Variants in DLG2 observed in about 807,000 individuals in gnomAD.
The protein encoded by DLG2 is disks large homolog 2.
DLG2 carries 45 observed loss-of-function variants against 132.5 expected under a neutral mutation model. That is an observed-to-expected ratio of 0.34 (90% CI 0.27 to 0.44). The LOEUF (loss-of-function observed/expected upper bound fraction) is 0.44, where lower values mean the gene tolerates loss of function less well. DLG2 is among the 20% of genes least tolerant of loss of function. The probability of loss-of-function intolerance (pLI) is 1.00; values close to 1 mark genes in which losing one functional copy is unlikely to be tolerated. For synonymous variants in DLG2, 424 were observed against 419.6 expected (o/e 1.01, Z -0.13); for missense variants, 1,045 against 1,196.9 (o/e 0.87, Z 1.87).
chr11:83,757,309 G>C (rs942093469), intron 18 of DLG2, among the ~76,000 whole-genome samples: 5 of 152,192 alleles, frequency 3.3e-5, no homozygotes, highest in Non-Finnish European at 5.9e-5. Context: ...CTGAGTAACA[G>C]TGAATTTATA....
intron 6 of DLG2, among the ~76,000 whole-genome samples, chr11:84,667,758 C>A (rs928743711): frequency 2.0e-5 from 3 of 151,916 alleles, no homozygotes; most frequent in Non-Finnish European, 4.4e-5. Flanking sequence ...CTCATTCCCC[C>A]AAAGTGCTGG....
intron 6 of DLG2, among the ~76,000 whole-genome samples, chr11:84,563,924 T>C (rs1012489304): frequency 6.6e-6 from 1 of 152,202 alleles, no homozygotes; most frequent in Non-Finnish European, 1.5e-5. Flanking sequence ...AAGGTCATGT[T>C]CATCGTGAAA....
chr11:84,448,006 T>G (rs1390685287), intron 7 of DLG2, among the ~76,000 whole-genome samples: 1 of 152,026 alleles, frequency 6.6e-6, no homozygotes, highest in African/African-American at 2.4e-5. Context: ...AATGCATAAA[T>G]AAGGCCATTT....
chr11:84,269,827 T>C (rs901373530), intron 7 of DLG2, among the ~76,000 whole-genome samples: 2 of 152,186 alleles, frequency 1.3e-5, no homozygotes, highest in African/African-American at 4.8e-5. Context: ...CAGATATGAT[T>C]GTTAGCAGTA....
At chr11:83,909,487 C>T (rs1288640274) in intron 15 of DLG2, among the ~76,000 whole-genome samples, 11 of 152,200 alleles carry the variant, frequency 7.2e-5, no homozygotes, top group Non-Finnish European at 1.6e-4. Flanking sequence ...ACCTCACTTA[C>T]ATCCACTCTG....
intron 6 of DLG2, among the ~76,000 whole-genome samples, chr11:84,681,252 G>A (rs567454809): frequency 2.6e-4 from 40 of 152,282 alleles, no homozygotes; most frequent in Admixed American, 5.9e-4. Flanking sequence ...TCCTTCCCCT[G>A]ATATGGGGGT....
intron 6 of DLG2, among the ~76,000 whole-genome samples, chr11:84,748,924 C>T (rs1000049645): frequency 6.6e-6 from 1 of 152,250 alleles, no homozygotes; most frequent in Non-Finnish European, 1.5e-5. Context: ...AATCGCAGCA[C>T]TTTGGAAGGC....
intron 6 of DLG2, among the ~76,000 whole-genome samples, chr11:84,851,989 A>C (rs1302874034): frequency 6.6e-6 from 1 of 152,040 alleles, no homozygotes; most frequent in Non-Finnish European, 1.5e-5. Context: ...TAAGGTGGTA[A>C]GTAAATGATT....
chr11:84,820,792 C>G lies in DLG2; in HGVS notation c.358-286061G>C, dbSNP rs147072147. On this transcript the variant is annotated intron_variant, in intron 6 of 27. Transcript: ENST00000376104. Reference sequence around the variant, plus strand: ...AGGAATTATTCTTTTCCTTATGATCCTATGGGATTTTCACATAGAATAAGA... The same window carrying G: ...AGGAATTATTCTTTTCCTTATGATCGTATGGGATTTTCACATAGAATAAGA... Among the ~76,000 whole-genome samples, 132 of 151,716 alleles carry G rather than the reference C, an allele frequency of 8.7e-4. 2 individuals are homozygous for G. The highest frequency in any genetic ancestry group is 3.0e-3 in the African/African-American group (125 of 41,426).
At chr11:84,299,293 T>C (rs2098127195) in intron 7 of DLG2, among the ~76,000 whole-genome samples, 1 of 152,166 alleles carries the variant, frequency 6.6e-6, no homozygotes, top group Admixed American at 6.5e-5. Context: ...GAACTGAGTG[T>C]TAAGATAAAT....
intron 6 of DLG2, chr11:84,720,363 G>A: frequency 1.0e-6 from 1 of 985,506 alleles, no homozygotes; most frequent in Non-Finnish European, 1.2e-6. Context: ...AATCATTGGT[G>A]TAAAACAGTC....
At chr11:84,810,568 T>C (rs2076446530) in intron 6 of DLG2, among the ~76,000 whole-genome samples, 1 of 152,138 alleles carries the variant, frequency 6.6e-6, no homozygotes, top group Non-Finnish European at 1.5e-5. Context: ...TTGAAAACAG[T>C]GTGGAGGTTT....
chr11:83,514,830 G>A (rs1041360893), intron 21 of DLG2, among the ~76,000 whole-genome samples: 4 of 152,114 alleles, frequency 2.6e-5, no homozygotes, highest in East Asian at 1.9e-4. Flanking sequence ...GCTGGATTAC[G>A]TTTATTGATT....
At chr11:85,246,259 C>T (rs992889760) in intron 4 of DLG2, among the ~76,000 whole-genome samples, 3 of 151,444 alleles carry the variant, frequency 2.0e-5, no homozygotes, top group African/African-American at 4.8e-5. Flanking sequence ...TAAATAAGTG[C>T]CCAAAAAATA....
At chr11:84,438,566 T>C (rs528710194) in intron 7 of DLG2, among the ~76,000 whole-genome samples, 1 of 152,374 alleles carries the variant, frequency 6.6e-6, no homozygotes, top group East Asian at 1.9e-4. Context: ...GGTAGATTTA[T>C]GGCAGCTTTT....
At chr11:83,830,386 C>G (rs1161784013) in intron 17 of DLG2, among the ~76,000 whole-genome samples, 2 of 152,200 alleles carry the variant, frequency 1.3e-5, no homozygotes, top group Non-Finnish European at 2.9e-5. Context: ...CCTTTTTCCT[C>G]TCACATGTAT....
At chr11:84,580,096 C>T (rs143956400) in intron 6 of DLG2, among the ~76,000 whole-genome samples, 2 of 152,266 alleles carry the variant, frequency 1.3e-5, no homozygotes, top group South Asian at 4.1e-4. Flanking sequence ...GGGGGAGGAA[C>T]TGGGCTACTG....
intron 4 of DLG2, among the ~76,000 whole-genome samples, chr11:85,228,709 T>G (rs535728539): frequency 6.6e-6 from 1 of 152,008 alleles, no homozygotes; most frequent in Admixed American, 6.6e-5. Context: ...GGCTACCCTA[T>G]TGGCTTATTT....
At chr11:84,899,516 C>T (rs1402551034) in intron 6 of DLG2, among the ~76,000 whole-genome samples, 3 of 152,058 alleles carry the variant, frequency 2.0e-5, no homozygotes, top group South Asian at 2.1e-4. Context: ...AAACACGTAA[C>T]ATTTTTCTTC....
Sources: gnomAD v4.1 joint callset for allele counts (sites outside exome capture counted in the v4.1 genomes callset) on GRCh38, gnomAD v4.1.1 for gene constraint, MANE v1.5 for transcripts, NCBI Gene and HGNC (gene_info 2026-07-23, HGNC 2026-07-21) for gene names.